The following CAMK1D variants were observed in gnomAD, a reference collection of about 807,000 sequenced individuals.
CAMK1D encodes the protein calcium/calmodulin-dependent protein kinase type 1D.
A neutral mutation model predicts 47.7 loss-of-function variants in CAMK1D; 9 were observed. The ratio of observed to expected loss-of-function variants is 0.19; its 90% CI spans 0.11 to 0.33. The LOEUF (loss-of-function observed/expected upper bound fraction) is 0.33. Ranked by LOEUF, CAMK1D falls within the 10% of genes least tolerant of loss-of-function variation. The pLI is 1.00. For missense variants in CAMK1D, 291 were observed against 488.7 expected (o/e 0.60, Z 3.81); for synonymous variants, 184 against 184.9 (o/e 0.99, Z 0.04).
intron 5 of CAMK1D, among the ~76,000 whole-genome samples, chr10:12,783,964 G>T (rs1253479155): frequency 6.6e-6 from 1 of 152,138 alleles, no homozygotes; most frequent in Non-Finnish European, 1.5e-5. Flanking sequence ...GTCTCTGATG[G>T]CTCCTTGGAC....
rs535214333 is a variant in CAMK1D, at chr10:12,595,342, G to GAAA, written c.224+42006_224+42008dup. Among the ~76,000 whole-genome samples, 112 of 23,554 alleles carry GAAA rather than the reference G, an allele frequency of 4.8e-3. 27 individuals carry two copies. Among genetic ancestry groups the GAAA allele is most frequent in the Non-Finnish European group, 5.4e-3 (77 of 14,352 alleles). 15.5% of individuals were successfully genotyped at this position (23,554 alleles called of 152,430 possible). A position where few individuals can be genotyped will look rare whatever the true frequency, so the allele number is the denominator to read the frequency against. Reference sequence around the variant, plus strand: ...GGGCAACAAGAGTGAAACTCCATCTGAAAAAAAAAAAAAAAAAAAAAAGGA... The same window carrying GAAA: ...GGGCAACAAGAGTGAAACTCCATCTGAAAAAAAAAAAAAAAAAAAAAAAAAGGA... On this transcript the variant is annotated intron_variant, in intron 2 of 10. Transcript: ENST00000619168.
chr10:12,760,834 A>G lies in CAMK1D; in HGVS notation c.300-114A>G, dbSNP rs767767272. The G allele has an allele frequency of 8.4e-6, 10 of 1,193,030 alleles. No individual in the cohort carries two copies. In the South Asian group the frequency reaches 1.0e-4, roughly 12 times the overall value. The allele number at this position is 1,193,030 out of a possible 1,614,324, so 73.9% of individuals were successfully genotyped here. On this transcript the variant is annotated intron_variant, in intron 3 of 10. Transcript: ENST00000619168. ...TGAGGAATAGGGGGGCAACATCTCA[A>G]TCTGAAGATGGATTCATTTTTGCAA...
At chr10:12,798,078 AG>A (rs1285564238) in intron 6 of CAMK1D, among the ~76,000 whole-genome samples, 5 of 152,202 alleles carry the variant, frequency 3.3e-5, no homozygotes, top group Admixed American at 2.6e-4. Flanking sequence ...TGAGGTAGAG[AG>A]GGCACCACAG....
intron 8 of CAMK1D, among the ~76,000 whole-genome samples, chr10:12,818,825 G>C (rs1468397482): frequency 6.6e-6 from 1 of 152,218 alleles, no homozygotes; most frequent in Non-Finnish European, 1.5e-5. Flanking sequence ...GGAAAGGCTT[G>C]GGGGAGAAGG....
rs1003808816 is a variant in CAMK1D at position 12,677,505 on chromosome 10, T to C, written c.299+10695T>C. On this transcript the variant is annotated intron_variant, in intron 3 of 10. Transcript: ENST00000619168. The stretch of plus-strand genomic sequence containing the variant: ...TAGTGCTCCTTATAGAGAGGAGAGA[T>C]TATAACCCTCGGAGGTTGCTTTCGT... 2.0e-5 allele frequency among the ~76,000 whole-genome samples: 3 copies of C among 152,114 alleles called. No individual in the cohort carries two copies. In the South Asian group the frequency reaches 6.2e-4, roughly 32 times the overall value.
intron 1 of CAMK1D, among the ~76,000 whole-genome samples, chr10:12,548,613 C>T (rs1228364982): frequency 6.6e-6 from 1 of 151,766 alleles, no homozygotes; most frequent in Non-Finnish European, 1.5e-5. Flanking sequence ...GACAGGTGTA[C>T]ACCACCGTAC....
intron 1 of CAMK1D, among the ~76,000 whole-genome samples, chr10:12,382,187 G>A (rs1265624974): frequency 6.6e-6 from 1 of 152,046 alleles, no homozygotes; most frequent in Non-Finnish European, 1.5e-5. Context: ...CACCTTTTAG[G>A]GAGAACAGTT....
At chr10:12,770,155 A>G (rs1173883266) in intron 5 of CAMK1D, among the ~76,000 whole-genome samples, 1 of 152,224 alleles carries the variant, frequency 6.6e-6, no homozygotes, top group African/African-American at 2.4e-5. Flanking sequence ...CACTGAGATA[A>G]CAGTAAGGTG....
chr10:12,812,337 C>T (rs746487166), intron 6 of CAMK1D, among the ~76,000 whole-genome samples: 9 of 152,178 alleles, frequency 5.9e-5, no homozygotes, highest in East Asian at 3.9e-4. Flanking sequence ...CACCATGGGC[C>T]GGGCTCAGTG....
At chr10:12,616,611 G>A (rs921108177) in intron 2 of CAMK1D, among the ~76,000 whole-genome samples, 4 of 151,512 alleles carry the variant, frequency 2.6e-5, no homozygotes, top group Non-Finnish European at 5.9e-5. Flanking sequence ...TCCGCCTCCC[G>A]GGTTCACGCC....
chr10:12,715,356 G>A (rs1275042219), intron 3 of CAMK1D, among the ~76,000 whole-genome samples: 1 of 152,098 alleles, frequency 6.6e-6, no homozygotes, highest in Non-Finnish European at 1.5e-5. Flanking sequence ...CATGACTACT[G>A]CGATATCTTC....
intron 1 of CAMK1D, among the ~76,000 whole-genome samples, chr10:12,352,032 A>G (rs1441485497): frequency 2.0e-5 from 3 of 152,320 alleles, no homozygotes; most frequent in Middle Eastern, 6.8e-3. Flanking sequence ...TACGTGCCTT[A>G]TGTGTATTAA....
At chr10:12,647,115 A>G (rs1839831681) in intron 2 of CAMK1D, among the ~76,000 whole-genome samples, 1 of 131,076 alleles carries the variant, frequency 7.6e-6, no homozygotes, top group Non-Finnish European at 1.6e-5. Flanking sequence ...TGCTGGGATT[A>G]TAGACGTGAG....
chr10:12,364,911 C>T (rs1241329551), intron 1 of CAMK1D, among the ~76,000 whole-genome samples: 1 of 151,924 alleles, frequency 6.6e-6, no homozygotes, highest in Non-Finnish European at 1.5e-5. Flanking sequence ...GGGTTTGAGT[C>T]CCAGCTCTGC....
At chr10:12,351,141 G>A (rs925588466) in intron 1 of CAMK1D, among the ~76,000 whole-genome samples, 6 of 152,132 alleles carry the variant, frequency 3.9e-5, no homozygotes, top group African/African-American at 1.4e-4. Context: ...GGGTCCCCCG[G>A]AGAGAAGTTG....
At chr10:12,713,603 G>A (rs1329596792) in intron 3 of CAMK1D, among the ~76,000 whole-genome samples, 1 of 152,218 alleles carries the variant, frequency 6.6e-6, no homozygotes, top group Non-Finnish European at 1.5e-5. Flanking sequence ...AATCTGAGCA[G>A]GGAGAAAGGA....
At chr10:12,717,891 CA>C (rs1181845465) in intron 3 of CAMK1D, among the ~76,000 whole-genome samples, 692 of 52,872 alleles carry the variant, frequency 0.013, 2 homozygotes, top group African/African-American at 0.036. Flanking sequence ...GAGACCCTGT[CA>C]AAAAAAAAAA....
chr10:12,643,373 C>T (rs1244731233), intron 2 of CAMK1D, among the ~76,000 whole-genome samples: 1 of 152,142 alleles, frequency 6.6e-6, no homozygotes. Context: ...CCCCAGATAC[C>T]CTATCTGTGG....
chr10:12,356,811 TTTGGGTAGAGC>T (rs1837534078), intron 1 of CAMK1D, among the ~76,000 whole-genome samples: 1 of 150,434 alleles, frequency 6.6e-6, no homozygotes, highest in Non-Finnish European at 1.5e-5. Context: ...GAAGTGGGAG[TTTGGGTAGAGC>T]TTGTTCCCAG....
Sources: allele counts gnomAD v4.1 joint callset (sites outside exome capture counted in the v4.1 genomes callset), GRCh38; gene constraint gnomAD v4.1.1; transcripts MANE v1.5; gene names NCBI Gene and HGNC (gene_info 2026-07-23, HGNC 2026-07-21).